TNFSF10: variants seen among roughly 807,000 people sequenced by gnomAD.
TNFSF10 encodes the protein TNF superfamily member 10, also known as tumor necrosis factor ligand superfamily member 10.
In TNFSF10, 13 loss-of-function variants were observed where a neutral mutation model predicts 29.5. The observed-to-expected ratio is 0.44, with a 90% CI of 0.29 to 0.70. TNFSF10 has a LOEUF of 0.70. Ranked by LOEUF, TNFSF10 falls within the 30% of genes least tolerant of loss-of-function variation. The pLI is 0.13. For synonymous variants in TNFSF10, 111 were observed against 112.8 expected (o/e 0.98, Z 0.10); for missense variants, 345 against 330.9 (o/e 1.04, Z -0.33).
intron 3 of TNFSF10, among the ~76,000 whole-genome samples, chr3:172,510,560 G>C (rs1169092959): frequency 6.6e-6 from 1 of 152,160 alleles, no homozygotes; most frequent in Admixed American, 6.5e-5. Flanking sequence ...CTGCAAATAT[G>C]TATATCGAGG....
rs563472173 is a variant in TNFSF10, at chr3:172,518,443, C to T, written c.133-3445G>A. 285 of 1,289,386 alleles carry T rather than the reference C, an allele frequency of 2.2e-4. 3 individuals are homozygous for T. The South Asian group carries it at 3.3e-3, about 15-fold the overall frequency. 79.9% of individuals were successfully genotyped at this position (1,289,386 alleles called of 1,614,324 possible). A position where few individuals can be genotyped will look rare whatever the true frequency, so the allele number is the denominator to read the frequency against. ...CCCTGTCTGCTGCCCAGACATTAGTCTCTGGCAATCATTTTCTGCAAACTG... is the reference window on the plus strand; with the variant it reads ...CCCTGTCTGCTGCCCAGACATTAGTTTCTGGCAATCATTTTCTGCAAACTG... On this transcript the variant is annotated intron_variant, in intron 1 of 4. Transcript: ENST00000241261.
intron 3 of TNFSF10, among the ~76,000 whole-genome samples, chr3:172,510,007 A>G (rs1361595161): frequency 6.6e-6 from 1 of 151,514 alleles, no homozygotes; most frequent in Non-Finnish European, 1.5e-5. Flanking sequence ...GAAATGTAAC[A>G]AATGACTTTC....
chr3:172,519,693 A>C (rs1416536549), intron 1 of TNFSF10, among the ~76,000 whole-genome samples: 1 of 152,260 alleles, frequency 6.6e-6, no homozygotes, highest in Non-Finnish European at 1.5e-5. Flanking sequence ...CAAATAAAAC[A>C]AGAGTCTGCC....
In TNFSF10 at chr3:172,511,679, A is replaced by C. The variant is rs374220293; in HGVS notation, c.271-20T>G. Reference sequence around the variant, plus strand: ...AATCATCTGCAAATATTATTGAATAAAGCTTGTTAATTTCCCTAAAAATTT... The same window carrying C: ...AATCATCTGCAAATATTATTGAATACAGCTTGTTAATTTCCCTAAAAATTT... On this transcript the variant is annotated intron_variant, in intron 2 of 4. Coordinates refer to ENST00000241261, the MANE Select transcript of TNFSF10 (RefSeq NM_003810.4). The C allele has an allele frequency of 2.0e-5, 32 of 1,607,516 alleles. No individual in the cohort carries two copies. The highest frequency in any genetic ancestry group is 2.3e-5 in the Non-Finnish European group (27 of 1,176,132).
rs532226213 is a variant in TNFSF10, at chr3:172,518,736, C to T, written c.133-3738G>A. Among the ~76,000 whole-genome samples the T allele has an allele frequency of 2.4e-4, 36 of 152,300 alleles. No individual in the cohort carries two copies. The South Asian group carries it at 7.5e-3, about 32-fold the overall frequency. ...AGAGTGTATCTTCTGCAAATGTTCA[C>T]CAGACAAAGTGGAGCCTGTATTCAA... On this transcript the variant is annotated intron_variant, in intron 1 of 4. Coordinates refer to ENST00000241261, the MANE Select transcript of TNFSF10 (RefSeq NM_003810.4).
chr3:172,511,282 A>G (rs770541911), intron 3 of TNFSF10, among the ~76,000 whole-genome samples: 1 of 152,216 alleles, frequency 6.6e-6, no homozygotes, highest in African/African-American at 2.4e-5. Context: ...ATTTCTCTCA[A>G]TTTCCCAGAA....
At chr3:172,511,062 A>G (rs1405003624) in intron 3 of TNFSF10, among the ~76,000 whole-genome samples, 2 of 152,326 alleles carry the variant, frequency 1.3e-5, no homozygotes, top group African/African-American at 4.8e-5. Context: ...CCTGGGCAAC[A>G]GTAGTGCACA....
intron 4 of TNFSF10, among the ~76,000 whole-genome samples, chr3:172,508,743 G>A (rs1307290747): frequency 6.6e-6 from 1 of 152,092 alleles, no homozygotes; most frequent in Non-Finnish European, 1.5e-5. Flanking sequence ...TACAAAATTA[G>A]CCAGGCGTGG....
At position 172,523,358 on chromosome 3, in the gene TNFSF10, T is replaced by TC. The variant is rs750614522; in HGVS notation, c.26dup (p.Pro10ThrfsTer53). ...GCACGCAGGTCTGTCCCAGGCTGGG[T>TC]CCCCCCTGGACCTCCATCATAGCCA... is the stretch of plus-strand genomic sequence containing the variant. On this transcript the variant is annotated frameshift_variant, in exon 1 of 5. Transcript: ENST00000241261. LOFTEE classifies it high-confidence loss of function. 3 of 1,613,656 alleles carry TC rather than the reference T, an allele frequency of 1.9e-6. No individual in the cohort carries two copies. The highest frequency in any genetic ancestry group is 1.7e-6 in the Non-Finnish European group (2 of 1,179,802).
At chr3:172,509,171 C>T (rs1292436449) in intron 4 of TNFSF10, 46 bp downstream of exon 4, 15 of 1,499,084 alleles carry the variant, frequency 1.0e-5, no homozygotes, top group Non-Finnish European at 1.4e-5. Context: ...TTGGCACAAT[C>T]CTTCCATTAT....
At chr3:172,511,686 T>C (rs1434014642) in intron 2 of TNFSF10, 27 bp from the exon 3 acceptor site, 1 of 1,599,182 alleles carries the variant, frequency 6.3e-7, no homozygotes, top group South Asian at 1.1e-5. Flanking sequence ...ATAAAGCTTG[T>C]TAATTTCCCT....
chr3:172,522,962 ATAT>A (rs1713767224), intron 1 of TNFSF10, among the ~76,000 whole-genome samples: 3 of 152,228 alleles, frequency 2.0e-5, no homozygotes, highest in African/African-American at 7.2e-5. Flanking sequence ...GCAATGGCTG[ATAT>A]TATAAAATAC....
intron 1 of TNFSF10, among the ~76,000 whole-genome samples, chr3:172,516,677 G>T (rs1482963619): frequency 6.6e-6 from 1 of 152,100 alleles, no homozygotes; most frequent in African/African-American, 2.4e-5. Context: ...GTGAAGCTGG[G>T]GCCTCCTGAG....
chr3:172,515,164 A>G (rs527352111), intron 1 of TNFSF10, among the ~76,000 whole-genome samples, 166 bp from the exon 2 acceptor site: 15 of 151,042 alleles, frequency 9.9e-5, no homozygotes, highest in Non-Finnish European at 1.5e-4. Flanking sequence ...TTGTCCTTAA[A>G]AAAAAAAAAA....
At chr3:172,516,958 T>C (rs1173875654) in intron 1 of TNFSF10, among the ~76,000 whole-genome samples, 1 of 152,212 alleles carries the variant, frequency 6.6e-6, no homozygotes. Flanking sequence ...CCCAGTTCAC[T>C]CAGTATGAGT....
intron 3 of TNFSF10, among the ~76,000 whole-genome samples, chr3:172,510,519 G>C (rs1713176518): frequency 6.6e-6 from 1 of 152,026 alleles, no homozygotes; most frequent in African/African-American, 2.4e-5. Flanking sequence ...ATTTCCAACT[G>C]GTTATAGCAA....
At chr3:172,509,976 CAA>C (rs11290814) in intron 3 of TNFSF10, among the ~76,000 whole-genome samples, 12,224 of 101,816 alleles carry the variant, frequency 0.12, 1,503 homozygotes, top group African/African-American at 0.35. Context: ...AAGACTCCGT[CAA>C]AAAAAAAAAA....
intron 1 of TNFSF10, chr3:172,518,609 G>T: frequency 1.7e-6 from 1 of 578,336 alleles, no homozygotes; most frequent in Non-Finnish European, 2.7e-6. Flanking sequence ...CAGGGGCTAA[G>T]CCCATATTTG....
At chr3:172,511,775 T>G (rs764061369) in intron 2 of TNFSF10, 116 bp from the exon 3 acceptor site, 209 of 866,880 alleles carry the variant, frequency 2.4e-4, no homozygotes, top group Non-Finnish European at 3.6e-4. Context: ...GCATTATCAA[T>G]CTGGGAAGTT....
Sources: allele counts gnomAD v4.1 joint callset (sites outside exome capture counted in the v4.1 genomes callset), GRCh38; gene constraint gnomAD v4.1.1; transcripts MANE v1.5; gene names NCBI Gene and HGNC (gene_info 2026-07-23, HGNC 2026-07-21).